The following PCDHA7 variants were observed in gnomAD, a reference collection of about 807,000 sequenced individuals.
PCDHA7 encodes protocadherin alpha 7, also known as protocadherin alpha-7.
PCDHA7 carries 37 observed loss-of-function variants against 57.2 expected under a neutral mutation model. That is an observed-to-expected ratio of 0.65 (90% confidence interval 0.50 to 0.85). PCDHA7 has a LOEUF of 0.85. PCDHA7 is among the 40% of genes least tolerant of loss of function. The probability of loss-of-function intolerance (pLI) is 0.00; values close to 1 mark genes in which losing one functional copy is unlikely to be tolerated. For synonymous variants in PCDHA7, 553 were observed against 558.8 expected (o/e 0.99, Z 0.15); for missense variants, 1,188 against 1,241.8 (o/e 0.96, Z 0.65).
chr5:140,940,073 A>G (rs1197351000), intron 1 of PCDHA7, among the ~76,000 whole-genome samples: 1 of 152,182 alleles, frequency 6.6e-6, no homozygotes, highest in Non-Finnish European at 1.5e-5. Context: ...AATATGTGAT[A>G]TCTTTCTGCT....
At chr5:140,843,007 GC>G in intron 1 of PCDHA7, 1 of 1,594,980 alleles carries the variant, frequency 6.3e-7, no homozygotes, top group Non-Finnish European at 8.6e-7. Flanking sequence ...ATGACAACGC[GC>G]CGGCACTGCT....
intron 3 of PCDHA7, among the ~76,000 whole-genome samples, chr5:140,984,282 C>T (rs543279467): frequency 6.6e-6 from 1 of 152,296 alleles, no homozygotes; most frequent in Admixed American, 6.5e-5. Flanking sequence ...ATACATTCTC[C>T]CTCCCATTGG....
intron 1 of PCDHA7, chr5:140,857,404 T>C: frequency 1.3e-6 from 2 of 1,597,962 alleles, no homozygotes; most frequent in Non-Finnish European, 1.7e-6. Flanking sequence ...ACAACGCGCC[T>C]GCGTTCGCGC....
At chr5:140,973,088 A>G (rs2096571573) in intron 1 of PCDHA7, among the ~76,000 whole-genome samples, 4 of 152,204 alleles carry the variant, frequency 2.6e-5, no homozygotes, top group African/African-American at 7.2e-5. Flanking sequence ...CTGGCACAAC[A>G]TGTAGAAATT....
At chr5:140,843,337 C>T in intron 1 of PCDHA7, 4 of 1,596,000 alleles carry the variant, frequency 2.5e-6, no homozygotes, top group Non-Finnish European at 8.6e-7. Context: ...TGGTGGAGAG[C>T]GGCCAGGCTC....
chr5:141,001,213 A>G (rs2097997873), intron 3 of PCDHA7, among the ~76,000 whole-genome samples: 1 of 152,154 alleles, frequency 6.6e-6, no homozygotes, highest in African/African-American at 2.4e-5. Context: ...TGTGCTGTAT[A>G]AGGATAGTTA....
rs548886698 is a variant in PCDHA7 at position 140,887,948 on chromosome 5, T to A, written c.2355+51210T>A. 7.1e-4 allele frequency among the ~76,000 whole-genome samples: 108 copies of A among 152,348 alleles called. 2 individuals carry two copies. Among genetic ancestry groups the A allele is most frequent in the Admixed American group, 7.0e-3 (107 of 15,298 alleles). On this transcript the variant is annotated intron_variant, in intron 1 of 3. Transcript: ENST00000525929. ...AGACCATATTTATTTCTTATCTGTA[T>A]AAGATTCTTTTTGTCTCTTTTAAAA... is the stretch of plus-strand genomic sequence containing the variant.
intron 1 of PCDHA7, among the ~76,000 whole-genome samples, chr5:140,909,245 G>T (rs189143592): frequency 2.6e-5 from 4 of 152,288 alleles, no homozygotes; most frequent in African/African-American, 7.2e-5. Flanking sequence ...AAGATATATT[G>T]CTGGCCTTGC....
intron 1 of PCDHA7, among the ~76,000 whole-genome samples, chr5:140,955,335 A>G (rs538609650): frequency 6.6e-6 from 1 of 152,266 alleles, no homozygotes; most frequent in South Asian, 2.1e-4. Flanking sequence ...AGTTCCCATA[A>G]TCCCCACATG....
intron 1 of PCDHA7, among the ~76,000 whole-genome samples, chr5:140,908,928 A>G (rs1426452860): frequency 6.6e-6 from 1 of 152,224 alleles, no homozygotes; most frequent in Non-Finnish European, 1.5e-5. Flanking sequence ...GGCCAAATGC[A>G]GCAACTTATC....
At chr5:140,849,477 C>T in intron 1 of PCDHA7, 1 of 1,590,036 alleles carries the variant, frequency 6.3e-7, no homozygotes, top group Middle Eastern at 1.7e-4. Context: ...TAAAGGCTTC[C>T]CACCCCTGGC....
chr5:140,968,753 C>T (rs782591270), intron 1 of PCDHA7: 8 of 1,614,018 alleles, frequency 5.0e-6, no homozygotes, highest in Non-Finnish European at 6.8e-6. Flanking sequence ...CGTGGTGGTC[C>T]GAGATAATGG....
At chr5:140,858,356 T>G (rs782216764) in intron 1 of PCDHA7, 1 of 1,593,100 alleles carries the variant, frequency 6.3e-7, no homozygotes, top group Non-Finnish European at 8.6e-7. Context: ...CCTCATGGCC[T>G]TCAGCCCCAG....
At chr5:140,985,832 C>T (rs760290757) in intron 3 of PCDHA7, among the ~76,000 whole-genome samples, 4 of 151,378 alleles carry the variant, frequency 2.6e-5, no homozygotes, top group African/African-American at 4.9e-5. Flanking sequence ...CTCTGCCTCC[C>T]GGGTTCATGC....
chr5:140,859,830 T>C (rs1388131535), intron 1 of PCDHA7: 1 of 152,212 alleles, frequency 6.6e-6, no homozygotes, highest in Non-Finnish European at 1.5e-5. Flanking sequence ...AGAAGTGTAT[T>C]TGTTATTTTA....
At chr5:140,871,026 G>T in intron 1 of PCDHA7, 2 of 1,613,220 alleles carry the variant, frequency 1.2e-6, no homozygotes, top group Non-Finnish European at 1.7e-6. Context: ...AGGCAGACTC[G>T]CCGCGCCACC....
At chr5:140,982,337 A>T in intron 2 of PCDHA7, 138 bp from the exon 3 acceptor site, 1 of 1,455,066 alleles carries the variant, frequency 6.9e-7, no homozygotes, top group Non-Finnish European at 9.1e-7. Flanking sequence ...CTCAGCAGTA[A>T]TTGCTTCAGT....
intron 1 of PCDHA7, among the ~76,000 whole-genome samples, chr5:140,947,807 G>T (rs542859945): frequency 3.6e-4 from 55 of 151,694 alleles, no homozygotes; most frequent in Non-Finnish European, 7.1e-4. Context: ...AATTTGCAGA[G>T]ACTATTTCTT....
At chr5:141,009,345 G>C (rs1409011729) in intron 3 of PCDHA7, among the ~76,000 whole-genome samples, 1 of 152,164 alleles carries the variant, frequency 6.6e-6, no homozygotes, top group African/African-American at 2.4e-5. Context: ...TGTAGTTCCA[G>C]CTACTTGGGA....
Sources: allele counts gnomAD v4.1 joint callset (sites outside exome capture counted in the v4.1 genomes callset), GRCh38; gene constraint gnomAD v4.1.1; transcripts MANE v1.5; gene names NCBI Gene and HGNC (gene_info 2026-07-23, HGNC 2026-07-21).